The following SORCS3 variants were observed in gnomAD, a reference collection of about 807,000 sequenced individuals.
SORCS3 encodes sortilin related VPS10 domain containing receptor 3, also known as VPS10 domain-containing receptor SorCS3.
SORCS3 carries 57 observed loss-of-function variants against 146.3 expected under a neutral mutation model. The observed-to-expected ratio is 0.39, with a 90% CI of 0.31 to 0.49. The LOEUF (loss-of-function observed/expected upper bound fraction) is 0.49, where lower values mean the gene tolerates loss of function less well. SORCS3 is among the 20% of genes least tolerant of loss of function. The pLI is 0.92. For missense variants in SORCS3, 1,341 were observed against 1,575.5 expected (o/e 0.85, Z 2.52); for synonymous variants, 653 against 618.5 (o/e 1.06, Z -0.83).
In SORCS3 at chr10:105,214,549, C is replaced by A. The variant is rs201415126; in HGVS notation, c.2483C>A (p.Thr828Lys). The A allele has an allele frequency of 1.2e-6, 2 of 1,611,322 alleles. No individual in the cohort carries two copies. The highest frequency in any genetic ancestry group is 1.7e-6 in the Non-Finnish European group (2 of 1,179,044). ...GKAPRGLHVV[T>K]TDGRLVAEQG... ...GCCCCTCGGGGCCTCCATGTGGTGACGACCGATGGGCGGCTGGTGGCAGAG... is the reference window on the plus strand; with the variant it reads ...GCCCCTCGGGGCCTCCATGTGGTGAAGACCGATGGGCGGCTGGTGGCAGAG... The change falls in exon 18 of 27, where the codon ACG becomes AAG. Residue 828 changes from threonine to lysine, a missense_variant. Transcript: ENST00000369701.
chr10:104,997,174 G>T (rs145502086), intron 4 of SORCS3, among the ~76,000 whole-genome samples: 1 of 152,120 alleles, frequency 6.6e-6, no homozygotes, highest in East Asian at 1.9e-4. Context: ...AGGTATTTGG[G>T]TGCTAATCTG....
At chr10:105,124,952 G>T (rs538584278) in intron 7 of SORCS3, among the ~76,000 whole-genome samples, 37 of 152,326 alleles carry the variant, frequency 2.4e-4, no homozygotes, top group African/African-American at 8.7e-4. Context: ...GCCTGCCCAG[G>T]TAGCGACTGT....
chr10:105,120,302 T>A (rs2055922771), intron 7 of SORCS3, among the ~76,000 whole-genome samples: 1 of 152,210 alleles, frequency 6.6e-6, no homozygotes, highest in Admixed American at 6.5e-5. Flanking sequence ...TGTGAGTCAA[T>A]TAAACCCCTT....
At chr10:105,041,092 T>A (rs1245390208) in intron 4 of SORCS3, among the ~76,000 whole-genome samples, 1 of 147,442 alleles carries the variant, frequency 6.8e-6, no homozygotes, top group Non-Finnish European at 1.5e-5. Flanking sequence ...TATATATTTA[T>A]ATATATATAT....
At chr10:104,906,908 C>T (rs561428330) in intron 2 of SORCS3, among the ~76,000 whole-genome samples, 21 of 152,170 alleles carry the variant, frequency 1.4e-4, no homozygotes, top group Non-Finnish European at 2.6e-4. Context: ...CAGCCCACCC[C>T]GGTTCCCTAC....
chr10:105,194,506 G>T (rs901463395), intron 14 of SORCS3, among the ~76,000 whole-genome samples: 4 of 152,132 alleles, frequency 2.6e-5, no homozygotes, highest in Non-Finnish European at 4.4e-5. Context: ...GTTTATCTTG[G>T]TAATTGCAAG....
intron 13 of SORCS3, among the ~76,000 whole-genome samples, chr10:105,176,360 A>G (rs116048402): frequency 0.013 from 1,958 of 151,862 alleles, 41 homozygotes; most frequent in African/African-American, 0.045. Flanking sequence ...CCTGGGCAAT[A>G]AAGCAACACC....
intron 16 of SORCS3, among the ~76,000 whole-genome samples, chr10:105,202,950 C>T (rs2056582999): frequency 6.6e-6 from 1 of 152,188 alleles, no homozygotes; most frequent in Admixed American, 6.5e-5. Flanking sequence ...AATGATGGAG[C>T]TGCATTTGGG....
At chr10:105,051,882 G>C (rs953198175) in intron 5 of SORCS3, among the ~76,000 whole-genome samples, 2 of 152,126 alleles carry the variant, frequency 1.3e-5, no homozygotes, top group Non-Finnish European at 2.9e-5. Flanking sequence ...GCAAGGTCAG[G>C]AGGGGAAATG....
At chr10:104,771,096 C>T (rs551354728) in intron 1 of SORCS3, among the ~76,000 whole-genome samples, 1 of 152,114 alleles carries the variant, frequency 6.6e-6, no homozygotes, top group African/African-American at 2.4e-5. Flanking sequence ...CCATGTTGGA[C>T]AGTGTAGGTC....
chr10:105,085,646 T>G (rs1481876703), intron 5 of SORCS3, among the ~76,000 whole-genome samples: 1 of 152,220 alleles, frequency 6.6e-6, no homozygotes, highest in East Asian at 1.9e-4. Flanking sequence ...ACACACACCT[T>G]CACAAACAAA....
At chr10:105,130,667 G>A (rs375503726) in intron 7 of SORCS3, among the ~76,000 whole-genome samples, 4 of 152,050 alleles carry the variant, frequency 2.6e-5, no homozygotes, top group African/African-American at 7.2e-5. Flanking sequence ...CTATTTGGGG[G>A]CTATTATGTT....
At chr10:105,068,367 C>T (rs1270294104) in intron 5 of SORCS3, among the ~76,000 whole-genome samples, 1 of 152,196 alleles carries the variant, frequency 6.6e-6, no homozygotes, top group African/African-American at 2.4e-5. Flanking sequence ...CTCTTGGCCC[C>T]CTTGTTGAAT....
At chr10:105,213,141 G>T (rs1443806675) in intron 17 of SORCS3, among the ~76,000 whole-genome samples, 1 of 152,032 alleles carries the variant, frequency 6.6e-6, no homozygotes, top group African/African-American at 2.4e-5. Context: ...AATAACTTTA[G>T]ACCCATTATA....
chr10:104,651,826 G>A (rs774335895), intron 1 of SORCS3, among the ~76,000 whole-genome samples: 5 of 152,200 alleles, frequency 3.3e-5, no homozygotes, highest in Non-Finnish European at 7.3e-5. Context: ...CCAGGGACCA[G>A]CTTTCCCTGA....
chr10:105,137,039 C>G (rs933737493), intron 7 of SORCS3, among the ~76,000 whole-genome samples: 1 of 152,126 alleles, frequency 6.6e-6, no homozygotes, highest in Admixed American at 6.5e-5. Flanking sequence ...AGGGACCACT[C>G]TATTCTCTTT....
intron 2 of SORCS3, among the ~76,000 whole-genome samples, chr10:104,909,189 T>C (rs1449744142): frequency 6.6e-6 from 1 of 152,026 alleles, no homozygotes; most frequent in Non-Finnish European, 1.5e-5. Flanking sequence ...CAGAGTTGAG[T>C]AGTTGTGGCG....
chr10:104,793,536 T>C (rs2017517483), intron 1 of SORCS3, among the ~76,000 whole-genome samples: 1 of 152,098 alleles, frequency 6.6e-6, no homozygotes, highest in African/African-American at 2.4e-5. Flanking sequence ...ATTATGGAAA[T>C]CTGGACTGAA....
At chr10:104,957,554 AACAC>A (rs10660859) in intron 3 of SORCS3, among the ~76,000 whole-genome samples, 3 of 148,456 alleles carry the variant, frequency 2.0e-5, no homozygotes, top group East Asian at 3.9e-4. Flanking sequence ...AAGGAAAGAA[AACAC>A]ACACACACAC....
Sources: gnomAD v4.1 joint callset for allele counts (sites outside exome capture counted in the v4.1 genomes callset) on GRCh38, gnomAD v4.1.1 for gene constraint, MANE v1.5 for transcripts, NCBI Gene and HGNC (gene_info 2026-07-23, HGNC 2026-07-21) for gene names.